MYH9: variants seen among roughly 807,000 people sequenced by gnomAD.
MYH9 encodes myosin heavy chain 9, also known as myosin-9.
In MYH9, 29 loss-of-function variants were observed where a neutral mutation model predicts 241.9. That is an observed-to-expected ratio of 0.12 (90% CI 0.09 to 0.16). MYH9 has a LOEUF of 0.16. MYH9 is among the 10% of genes least tolerant of loss of function. The pLI is 1.00. For missense variants in MYH9, 1,803 were observed against 2,595.5 expected (o/e 0.69, Z 6.63); for synonymous variants, 1,047 against 1,062.6 (o/e 0.99, Z 0.29).
At chr22:36,317,741 G>A (rs1010320960) in intron 11 of MYH9, among the ~76,000 whole-genome samples, 4 of 152,264 alleles carry the variant, frequency 2.6e-5, no homozygotes, top group Non-Finnish European at 5.9e-5. Context: ...CTGGCAGGAA[G>A]GAGCAAGCGC....
Position 36,326,607 on chromosome 22 carries a change from C to G in MYH9, c.573G>C (p.Leu191=). The change falls in exon 5 of 41, where the codon CTG becomes CTC. Residue 191 remains leucine, a synonymous_variant. Coordinates refer to ENST00000216181, the MANE Select transcript of MYH9 (RefSeq NM_002473.6). ...TENTKKVIQY[L]AYVASSHKSK... is the part of the protein sequence containing the mutation. ...TCTTGTGCGAGGACGCCACGTACGC[C>G]AGATACTGGATGACCTTCTTGGTGT... The G allele has an allele frequency of 4.3e-6, 7 of 1,614,232 alleles. No individual in the cohort carries two copies. Among genetic ancestry groups the G allele is most frequent in the Middle Eastern group, 1.6e-4 (1 of 6,062 alleles).
chr22:36,322,501 C>T lies in MYH9; in HGVS notation c.633G>A (p.Leu211=). ...KKDQGELERQ[L]LQANPILEAF... is the part of the protein sequence containing the mutation. ...CCTCCAGGATGGGGTTGGCCTGCAG[C>T]AGCTGCCGCTCCAGCTCGCCCTGCA... is the stretch of plus-strand genomic sequence containing the variant. Residue 211 remains leucine, a synonymous_variant, in exon 6 of 41, where the codon CTG becomes CTA. Coordinates refer to ENST00000216181, the MANE Select transcript of MYH9 (RefSeq NM_002473.6). 6.2e-7 allele frequency: 1 copy of T among 1,613,024 alleles called. No individual in the cohort carries two copies. Among genetic ancestry groups the T allele is most frequent in the Non-Finnish European group, 8.5e-7 (1 of 1,179,904 alleles).
At chr22:36,379,448 G>A (rs1405679417) in intron 1 of MYH9, among the ~76,000 whole-genome samples, 1 of 152,236 alleles carries the variant, frequency 6.6e-6, no homozygotes, top group East Asian at 1.9e-4. Flanking sequence ...GGTGGAGCGT[G>A]CAGTGAGCTG....
Position 36,349,187 on chromosome 22 carries a change from A to G in MYH9, c.50T>C (p.Ile17Thr). The change falls in exon 2 of 41, where the codon ATC (isoleucine) becomes ACC (threonine). Residue 17 changes from isoleucine to threonine, a missense_variant. By Grantham distance (89) the Ile-to-Thr change is moderately conservative. Coordinates refer to ENST00000216181, the MANE Select transcript of MYH9 (RefSeq NM_002473.6). ...DKYLYVDKNF[I>T]NNPLAQADWA... ...GTCGGCCTGGGCCAGCGGATTGTTG[A>G]TGAAGTTTTTATCCACATAGAGATA... is the stretch of plus-strand genomic sequence containing the variant. The G allele has an allele frequency of 6.2e-7, 1 of 1,614,202 alleles. No individual in the cohort carries two copies. Among genetic ancestry groups the G allele is most frequent in the Non-Finnish European group, 8.5e-7 (1 of 1,180,036 alleles).
intron 35 of MYH9, 142 bp from the exon 36 acceptor site, chr22:36,286,095 A>C: frequency 1.2e-6 from 1 of 817,342 alleles, no homozygotes; most frequent in Non-Finnish European, 2.0e-6. Context: ...CCTCTAGCTC[A>C]CAGGGCTGGT....
In MYH9 at chr22:36,320,505, G is replaced by C. The variant is rs1378265259; in HGVS notation, c.869-142C>G. 2 of 1,107,378 alleles carry C rather than the reference G, an allele frequency of 1.8e-6. No homozygotes were observed. The highest frequency in any genetic ancestry group is 2.7e-6 in the Non-Finnish European group (2 of 747,356). The allele number at this position is 1,107,378 out of a possible 1,614,324, so 68.6% of individuals were successfully genotyped here. On this transcript the variant is annotated intron_variant, in intron 8 of 40. Coordinates refer to ENST00000216181, the MANE Select transcript of MYH9 (RefSeq NM_002473.6). This position sits in a 1 kb window ranked among gnomAD's most constrained non-coding sequence, Gnocchi z 4.8. Reference sequence around the variant, plus strand: ...TGGAAACCGCAGAGTAGCCAGTGACGTTCAGCTTTCCTCAGTGTCTGAGAC... The same window carrying C: ...TGGAAACCGCAGAGTAGCCAGTGACCTTCAGCTTTCCTCAGTGTCTGAGAC...
At chr22:36,386,242 C>G (rs1429965230) in intron 1 of MYH9, among the ~76,000 whole-genome samples, 1 of 152,174 alleles carries the variant, frequency 6.6e-6, no homozygotes, top group African/African-American at 2.4e-5. Flanking sequence ...TGGGCACGGG[C>G]CAGGTCTTAC....
At position 36,326,628 on chromosome 22, in the gene MYH9, G is replaced by T; in HGVS notation, c.552C>A (p.Thr184=). The change falls in exon 5 of 41, where the codon ACC becomes ACA. Residue 184 remains threonine, a synonymous_variant. Coordinates refer to ENST00000216181, the MANE Select transcript of MYH9 (RefSeq NM_002473.6). ...ACGCCAGATACTGGATGACCTTCTT[G>T]GTGTTCTCCGTCTTGCCAGCTCCAG... is the stretch of plus-strand genomic sequence containing the variant. The part of the protein sequence containing the change: ...GESGAGKTEN[T]KKVIQYLAYV... The T allele has an allele frequency of 6.2e-7, 1 of 1,614,216 alleles. No homozygotes were observed. The highest frequency in any genetic ancestry group is 8.5e-7 in the Non-Finnish European group (1 of 1,180,032).
chr22:36,350,344 C>T (rs2017745185), intron 1 of MYH9, among the ~76,000 whole-genome samples: 1 of 152,162 alleles, frequency 6.6e-6, no homozygotes, highest in Non-Finnish European at 1.5e-5. Context: ...TTGAGACCAG[C>T]CTGACCAACA....
chr22:36,320,109 C>T lies in MYH9; in HGVS notation c.1012+111G>A. On this transcript the variant is annotated intron_variant, in intron 9 of 40. Coordinates refer to ENST00000216181, the MANE Select transcript of MYH9 (RefSeq NM_002473.6). The surrounding 1 kb of genome is among the most constrained non-coding windows in gnomAD (Gnocchi z 4.8). ...CCATACACTGAAGGCCTTCCCCTTC[C>T]CCTGGCCTCTAGCAGGCTCCCCAGG... The T allele has an allele frequency of 1.4e-6, 2 of 1,473,174 alleles. No homozygotes were observed. Among genetic ancestry groups the T allele is most frequent in the South Asian group, 2.3e-5 (2 of 87,424 alleles). 91.3% of individuals were successfully genotyped at this position (1,473,174 alleles called of 1,614,324 possible). A position where few individuals can be genotyped will look rare whatever the true frequency, so the allele number is the denominator to read the frequency against.
At chr22:36,291,946 A>C (rs763571244) in intron 31 of MYH9, 40 bp downstream of exon 31, 1 of 1,613,594 alleles carries the variant, frequency 6.2e-7, no homozygotes, top group Admixed American at 1.7e-5. Flanking sequence ...CAGTGCTTGA[A>C]GGAGAGGAAA....
intron 3 of MYH9, among the ~76,000 whole-genome samples, chr22:36,335,039 T>G (rs1486739237): frequency 6.6e-6 from 1 of 152,118 alleles, no homozygotes; most frequent in Non-Finnish European, 1.5e-5. Context: ...CCCTTTTTGG[T>G]GCCCTATAGA....
intron 1 of MYH9, among the ~76,000 whole-genome samples, chr22:36,376,760 C>G (rs1295155926): frequency 6.6e-6 from 1 of 152,332 alleles, no homozygotes; most frequent in South Asian, 2.1e-4. Context: ...CTCCCTGTCG[C>G]AGGCTTAGAA....
intron 1 of MYH9, among the ~76,000 whole-genome samples, chr22:36,357,086 G>A (rs1417770810): frequency 1.3e-5 from 2 of 152,218 alleles, no homozygotes; most frequent in African/African-American, 2.4e-5. Context: ...CTACCATAGT[G>A]GAACATTCAT....
chr22:36,313,803 A>C (rs1447241787), intron 13 of MYH9, among the ~76,000 whole-genome samples: 1 of 152,248 alleles, frequency 6.6e-6, no homozygotes, highest in East Asian at 1.9e-4. Flanking sequence ...TGTTTCTTTA[A>C]GACAAAGAAA....
chr22:36,339,510 G>A (rs543224504), intron 3 of MYH9, among the ~76,000 whole-genome samples: 9 of 152,168 alleles, frequency 5.9e-5, no homozygotes, highest in African/African-American at 1.9e-4. Flanking sequence ...TTTGATAGAC[G>A]TGAACATAAG....
chr22:36,341,245 G>T, intron 3 of MYH9, 125 bp downstream of exon 3: 1 of 1,221,464 alleles, frequency 8.2e-7, no homozygotes, highest in Non-Finnish European at 1.2e-6. Flanking sequence ...AGACCTCCAT[G>T]ATGCACTGCC....
At chr22:36,365,056 T>C (rs1484426574) in intron 1 of MYH9, 1 of 147,082 alleles carries the variant, frequency 6.8e-6, no homozygotes, top group Admixed American at 6.8e-5. Context: ...AGTGCCACTG[T>C]GATGACAAAA....
chr22:36,361,666 G>C (rs1413262604), intron 1 of MYH9, among the ~76,000 whole-genome samples: 2 of 152,204 alleles, frequency 1.3e-5, no homozygotes, highest in Non-Finnish European at 2.9e-5. Flanking sequence ...GGACAGGCTG[G>C]AGGAGATAAA....
Sources: allele counts gnomAD v4.1 joint callset (sites outside exome capture counted in the v4.1 genomes callset), GRCh38; gene constraint gnomAD v4.1.1; non-coding constraint Gnocchi (gnomAD v3.1); transcripts MANE v1.5; gene names NCBI Gene and HGNC (gene_info 2026-07-23, HGNC 2026-07-21).